The following TLK2 variants were observed in gnomAD, a reference collection of about 807,000 sequenced individuals.
TLK2 encodes tousled like kinase 2, also known as serine/threonine-protein kinase tousled-like 2.
Under a neutral mutation model 117.3 loss-of-function variants are expected in TLK2, and 6 were observed. That is an observed-to-expected ratio of 0.05 (90% CI 0.03 to 0.10). The LOEUF is 0.10. Ranked by LOEUF, TLK2 falls within the 10% of genes least tolerant of loss-of-function variation. The pLI is 1.00. For synonymous variants in TLK2, 257 were observed against 316.7 expected, an observed-to-expected ratio of 0.81 and a Z score of 2.00; for missense variants, 299 against 901.2, an observed-to-expected ratio of 0.33 and a Z score of 8.56.
At chr17:62,574,214 G>C (rs2080561037) in intron 12 of TLK2, 19 of 1,372,724 alleles carry the variant, frequency 1.4e-5, no homozygotes, top group Middle Eastern at 3.8e-4. Flanking sequence ...TCCTAGAAGT[G>C]CATCTTCTTT....
intron 7 of TLK2, among the ~76,000 whole-genome samples, chr17:62,546,714 C>T (rs1246187255): frequency 3.3e-5 from 5 of 151,668 alleles, no homozygotes; most frequent in African/African-American, 9.7e-5. Context: ...TACCACCACA[C>T]CCAGCTAATT....
rs1012558981 is a variant in TLK2 at position 62,561,048 on chromosome 17, A to T, written c.831+922A>T. ...TGTGTCCATGTGTTCTCATTGTTCA[A>T]TTCCCACCTATGAGTGAGAACATGC... is the stretch of plus-strand genomic sequence containing the variant. On this transcript the variant is annotated intron_variant, in intron 10 of 21. Transcript: ENST00000346027. Among the ~76,000 whole-genome samples the T allele has an allele frequency of 5.9e-5, 9 of 152,000 alleles. No individual in the cohort carries two copies. The South Asian group carries it at 6.2e-4, about 11-fold the overall frequency.
At chr17:62,585,314 G>A (rs2081531055) in intron 15 of TLK2, among the ~76,000 whole-genome samples, 1 of 152,200 alleles carries the variant, frequency 6.6e-6, no homozygotes, top group African/African-American at 2.4e-5. Context: ...AGGCCGAAGC[G>A]GGGCGGATCG....
At chr17:62,587,278 A>T (rs930814146) in intron 16 of TLK2, among the ~76,000 whole-genome samples, 1 of 152,102 alleles carries the variant, frequency 6.6e-6, no homozygotes, top group African/African-American at 2.4e-5. Context: ...TAGGTTCCCC[A>T]CTGGGCTTAG....
At chr17:62,536,996 T>G (rs2077159958) in intron 7 of TLK2, among the ~76,000 whole-genome samples, 1 of 152,248 alleles carries the variant, frequency 6.6e-6, no homozygotes, top group African/African-American at 2.4e-5. Context: ...TCCTGGTTTT[T>G]GGGCCCTGCC....
intron 2 of TLK2, among the ~76,000 whole-genome samples, chr17:62,484,825 A>G (rs987380601): frequency 1.3e-5 from 2 of 151,890 alleles, no homozygotes; most frequent in African/African-American, 4.8e-5. Context: ...GGGAGGCTAA[A>G]GCAGGCAGAT....
intron 6 of TLK2, 63 bp downstream of exon 6, chr17:62,524,394 A>T: frequency 6.6e-7 from 1 of 1,512,326 alleles, no homozygotes; most frequent in Non-Finnish European, 8.9e-7. Flanking sequence ...AGAAACACTC[A>T]AGCAAAGTTT....
chr17:62,536,120 A>G (rs1355642960), intron 6 of TLK2, 50 bp from the exon 7 acceptor site: 2 of 1,585,448 alleles, frequency 1.3e-6, no homozygotes, highest in Non-Finnish European at 1.7e-6. Flanking sequence ...TTTGGGCAGT[A>G]TCAGATTATC....
chr17:62,606,655 T>C (rs2083323456), intron 20 of TLK2, among the ~76,000 whole-genome samples: 1 of 152,198 alleles, frequency 6.6e-6, no homozygotes, highest in Admixed American at 6.5e-5. Context: ...GTTGAACCTA[T>C]TATTAATGAA....
At chr17:62,593,753 AT>A (rs896468420) in intron 16 of TLK2, among the ~76,000 whole-genome samples, 79 of 141,242 alleles carry the variant, frequency 5.6e-4, no homozygotes, top group East Asian at 1.5e-3. Flanking sequence ...TTTGTAGTTA[AT>A]TTTTTTTTTT....
intron 2 of TLK2, among the ~76,000 whole-genome samples, chr17:62,495,584 C>T (rs1271587862): frequency 2.0e-5 from 3 of 147,814 alleles, no homozygotes; most frequent in South Asian, 4.3e-4. Flanking sequence ...CTGGCTGAGG[C>T]GTGTTTTTAA....
At chr17:62,570,712 A>G (rs988760926) in intron 11 of TLK2, among the ~76,000 whole-genome samples, 6 of 152,098 alleles carry the variant, frequency 3.9e-5, no homozygotes, top group African/African-American at 1.4e-4. Context: ...GCAGTTTAGG[A>G]TTTCCCTAAA....
intron 9 of TLK2, among the ~76,000 whole-genome samples, chr17:62,555,923 A>G (rs2078833417): frequency 6.6e-6 from 1 of 152,064 alleles, no homozygotes; most frequent in South Asian, 2.1e-4. Context: ...AGTAGTTGGG[A>G]CTATAGGCAT....
At chr17:62,560,855 T>G (rs1278533881) in intron 10 of TLK2, among the ~76,000 whole-genome samples, 2 of 151,972 alleles carry the variant, frequency 1.3e-5, no homozygotes, top group African/African-American at 2.4e-5. Context: ...ACTTTAAGTT[T>G]TAGGGTATAT....
chr17:62,481,479 T>C (rs2071641745), intron 2 of TLK2, among the ~76,000 whole-genome samples: 1 of 152,192 alleles, frequency 6.6e-6, no homozygotes, highest in Admixed American at 6.5e-5. Context: ...ACTAACAGGA[T>C]GTGTGTATAG....
At chr17:62,489,091 G>T (rs2072811166) in intron 2 of TLK2, among the ~76,000 whole-genome samples, 1 of 151,724 alleles carries the variant, frequency 6.6e-6, no homozygotes, top group African/African-American at 2.4e-5. Flanking sequence ...TTGCCATGTT[G>T]CCCAGACTGG....
chr17:62,601,979 A>T, intron 18 of TLK2, 63 bp from the exon 19 acceptor site: 1 of 1,476,374 alleles, frequency 6.8e-7, no homozygotes, highest in Non-Finnish European at 9.2e-7. Flanking sequence ...ATCTGCTATT[A>T]CTTTGGGTTT....
intron 16 of TLK2, among the ~76,000 whole-genome samples, chr17:62,587,079 C>T (rs1751957733): frequency 6.6e-6 from 1 of 152,002 alleles, no homozygotes; most frequent in African/African-American, 2.4e-5. Flanking sequence ...GTACTAGTGG[C>T]AGCCTTCATC....
intron 11 of TLK2, among the ~76,000 whole-genome samples, chr17:62,569,838 T>TA (rs2080130145): frequency 6.6e-6 from 1 of 152,186 alleles, no homozygotes; most frequent in African/African-American, 2.4e-5. Context: ...CTGTAACAAA[T>TA]ACCATAAACT....
Sources: allele counts gnomAD v4.1 joint callset (sites outside exome capture counted in the v4.1 genomes callset), GRCh38; gene constraint gnomAD v4.1.1; transcripts MANE v1.5; gene names NCBI Gene and HGNC (gene_info 2026-07-23, HGNC 2026-07-21).